CTSS: variants seen among roughly 807,000 people sequenced by gnomAD.
CTSS encodes cathepsin S.
Under a neutral mutation model 39.9 loss-of-function variants are expected in CTSS, and 15 were observed. The observed-to-expected ratio is 0.38, with a 90% CI of 0.25 to 0.58. CTSS has a LOEUF of 0.58. CTSS is among the 20% of genes least tolerant of loss of function. The probability of loss-of-function intolerance (pLI) is 0.70; values close to 1 mark genes in which losing one functional copy is unlikely to be tolerated. For synonymous variants in CTSS, 126 were observed against 138.2 expected, an observed-to-expected ratio of 0.91 and a Z score of 0.62; for missense variants, 250 against 398.2, an observed-to-expected ratio of 0.63 and a Z score of 3.17.
At chr1:150,762,939 G>T (rs587650655) in intron 2 of CTSS, among the ~76,000 whole-genome samples, 1 of 152,142 alleles carries the variant, frequency 6.6e-6, no homozygotes, top group East Asian at 1.9e-4. Flanking sequence ...CCAAGGAAGC[G>T]CAATCAGTAT....
rs1031251312 is a variant in CTSS, at chr1:150,764,486, C to T, written c.126+152G>A. Reference sequence around the variant, plus strand: ...CTCCTGACCTCAGGTGATCCGCTCACCTTGGCCTTCCAAAGGGCTAGGATT... The same window carrying T: ...CTCCTGACCTCAGGTGATCCGCTCATCTTGGCCTTCCAAAGGGCTAGGATT... On this transcript the variant is annotated intron_variant, in intron 2 of 7. Coordinates refer to ENST00000368985, the MANE Select transcript of CTSS (RefSeq NM_004079.5). 9 of 950,956 alleles carry T rather than the reference C, an allele frequency of 9.5e-6. No homozygotes were observed. In the African/African-American group the frequency reaches 9.8e-5, roughly 10 times the overall value. 58.9% of individuals were successfully genotyped at this position (950,956 alleles called of 1,614,324 possible). A position where few individuals can be genotyped will look rare whatever the true frequency, so the allele number is the denominator to read the frequency against.
chr1:150,749,341 A>G (rs1398657432), intron 6 of CTSS, among the ~76,000 whole-genome samples: 4 of 152,184 alleles, frequency 2.6e-5, no homozygotes, highest in African/African-American at 7.2e-5. Flanking sequence ...ACAAATGACA[A>G]GAAAGTGAAA....
intron 4 of CTSS, among the ~76,000 whole-genome samples, chr1:150,753,083 G>C (rs2101921357): frequency 6.6e-6 from 1 of 152,014 alleles, no homozygotes; most frequent in South Asian, 2.1e-4. Flanking sequence ...TCTAACTCCT[G>C]GGCTCAAGCG....
chr1:150,739,349 T>C (rs769958503), intron 7 of CTSS, among the ~76,000 whole-genome samples: 22 of 152,202 alleles, frequency 1.4e-4, no homozygotes, highest in Non-Finnish European at 2.4e-4. Context: ...CAGTTAGCCA[T>C]GTTGTGAATG....
At chr1:150,764,520 GA>G in intron 2 of CTSS, 117 bp downstream of exon 2, 1 of 1,380,358 alleles carries the variant, frequency 7.2e-7, no homozygotes, top group Non-Finnish European at 1.0e-6. Context: ...TTACAGGCGC[GA>G]GCCACCACAC....
chr1:150,758,593 T>A (rs1361866641), intron 2 of CTSS, among the ~76,000 whole-genome samples: 1 of 151,960 alleles, frequency 6.6e-6, no homozygotes, highest in Non-Finnish European at 1.5e-5. Context: ...TGGAGTGCAG[T>A]GAAGTGGCCT....
chr1:150,738,681 G>A (rs75338816), intron 7 of CTSS, among the ~76,000 whole-genome samples: 7,681 of 151,896 alleles, frequency 0.051, 653 homozygotes, highest in African/African-American at 0.18. Flanking sequence ...TAGAGACAGA[G>A]TCTTGCTATG....
chr1:150,744,504 T>TATTATATATTATATGTATATTATGTATAC (rs1652845962), intron 7 of CTSS, among the ~76,000 whole-genome samples: 1 of 59,752 alleles, frequency 1.7e-5, no homozygotes, highest in African/African-American at 5.2e-5. Context: ...ATACATAATA[T>TATTATATATTATATGTATATTATGTATAC]ATTATATATT....
At chr1:150,746,884 T>C (rs1015438610) in intron 7 of CTSS, among the ~76,000 whole-genome samples, 10 of 152,140 alleles carry the variant, frequency 6.6e-5, no homozygotes, top group Non-Finnish European at 1.5e-4. Context: ...TCAGGGAACA[T>C]TAATTTTACA....
intron 4 of CTSS, among the ~76,000 whole-genome samples, chr1:150,753,868 G>A (rs1653057216): frequency 6.6e-6 from 1 of 151,940 alleles, no homozygotes; most frequent in Admixed American, 6.6e-5. Context: ...TTGAGCCCAA[G>A]AGGCAGAGGT....
At chr1:150,749,087 G>T (rs758384055) in intron 6 of CTSS, among the ~76,000 whole-genome samples, 8 of 152,246 alleles carry the variant, frequency 5.3e-5, no homozygotes, top group Non-Finnish European at 1.0e-4. Flanking sequence ...GAGACACAAT[G>T]ATATTGAAAT....
chr1:150,761,238 A>G (rs1201467258), intron 2 of CTSS, among the ~76,000 whole-genome samples: 1 of 152,134 alleles, frequency 6.6e-6, no homozygotes, highest in East Asian at 1.9e-4. Flanking sequence ...TAGAACTGAT[A>G]CATGAATTCA....
chr1:150,754,362 C>A (rs1653071450), intron 4 of CTSS, among the ~76,000 whole-genome samples: 1 of 151,982 alleles, frequency 6.6e-6, no homozygotes, highest in African/African-American at 2.4e-5. Context: ...GATCTGCCTC[C>A]CTTGACCTGG....
chr1:150,743,131 A>C (rs949338733), intron 7 of CTSS, among the ~76,000 whole-genome samples: 1 of 152,132 alleles, frequency 6.6e-6, no homozygotes, highest in Admixed American at 6.6e-5. Flanking sequence ...TAGCAAACTC[A>C]TGTAACAGGC....
intron 2 of CTSS, among the ~76,000 whole-genome samples, chr1:150,762,172 G>A (rs1038841576): frequency 6.6e-6 from 1 of 152,128 alleles, no homozygotes; most frequent in Non-Finnish European, 1.5e-5. Flanking sequence ...AACACACAAT[G>A]GGGAAAGGAT....
chr1:150,733,661 A>C (rs1652572171), intron 7 of CTSS, among the ~76,000 whole-genome samples: 1 of 152,170 alleles, frequency 6.6e-6, no homozygotes, highest in Admixed American at 6.5e-5. Context: ...ACTTTCTCAT[A>C]ATTAAAGCTA....
chr1:150,734,080 G>T (rs1652580450), intron 7 of CTSS, among the ~76,000 whole-genome samples: 2 of 151,292 alleles, frequency 1.3e-5, no homozygotes, highest in South Asian at 4.2e-4. Context: ...CCAGACTGGA[G>T]TGCAATGGTG....
intron 7 of CTSS, among the ~76,000 whole-genome samples, chr1:150,737,654 C>T (rs1441728250): frequency 1.3e-5 from 2 of 152,080 alleles, no homozygotes; most frequent in Non-Finnish European, 2.9e-5. Flanking sequence ...TTAGGCTGTG[C>T]CAGACACTCT....
At chr1:150,738,923 G>T (rs1462731339) in intron 7 of CTSS, among the ~76,000 whole-genome samples, 1 of 151,822 alleles carries the variant, frequency 6.6e-6, no homozygotes, top group East Asian at 1.9e-4. Flanking sequence ...GGCCAGGTGC[G>T]GTGGCTCACG....
Sources: gnomAD v4.1 joint callset for allele counts (sites outside exome capture counted in the v4.1 genomes callset) on GRCh38, gnomAD v4.1.1 for gene constraint, MANE v1.5 for transcripts, NCBI Gene and HGNC (gene_info 2026-07-23, HGNC 2026-07-21) for gene names.